The following EPS15L1 variants were observed in gnomAD, a reference collection of about 807,000 sequenced individuals.
EPS15L1 encodes the protein epidermal growth factor receptor substrate 15-like 1.
EPS15L1 carries 43 observed loss-of-function variants against 117.1 expected under a neutral mutation model. The ratio of observed to expected loss-of-function variants is 0.37; its 90% CI spans 0.29 to 0.47. The LOEUF is 0.47. Among genes scored for constraint, EPS15L1 ranks in the 20% least tolerant of loss-of-function variants. The pLI, the probability that EPS15L1 is intolerant of heterozygous loss-of-function variation, is 0.99. For missense variants in EPS15L1, 981 were observed against 1,164.0 expected, an observed-to-expected ratio of 0.84 and a Z score of 2.29; for synonymous variants, 459 against 470.5, an observed-to-expected ratio of 0.98 and a Z score of 0.32.
chr19:16,459,528 G>A (rs376223780), intron 1 of EPS15L1, among the ~76,000 whole-genome samples: 4 of 152,218 alleles, frequency 2.6e-5, no homozygotes, highest in South Asian at 2.1e-4. Flanking sequence ...GTTGGTAGTG[G>A]GGAGCGGGCA....
chr19:16,439,037 T>C (rs963209686), intron 4 of EPS15L1, among the ~76,000 whole-genome samples: 17 of 151,514 alleles, frequency 1.1e-4, no homozygotes, highest in Non-Finnish European at 1.9e-4. Context: ...AAAGGCTCAG[T>C]GGACTTGTGA....
At chr19:16,376,775 G>T (rs1276627748) in intron 22 of EPS15L1, among the ~76,000 whole-genome samples, 1 of 152,234 alleles carries the variant, frequency 6.6e-6, no homozygotes, top group African/African-American at 2.4e-5. Context: ...AGTGGCTCCT[G>T]AAGTATAGCC....
At chr19:16,388,602 C>A (rs558750242) in intron 19 of EPS15L1, among the ~76,000 whole-genome samples, 1 of 152,028 alleles carries the variant, frequency 6.6e-6, no homozygotes, top group Non-Finnish European at 1.5e-5. Context: ...CCAAGGCAGG[C>A]AGATCACGAG....
chr19:16,440,790 G>T lies in EPS15L1; in HGVS notation c.213+72C>A, dbSNP rs1448183467. 3 of 1,351,266 alleles carry T rather than the reference G, an allele frequency of 2.2e-6. No individual in the cohort carries two copies. The South Asian group carries it at 3.5e-5, about 16-fold the overall frequency. The allele number at this position is 1,351,266 out of a possible 1,614,324, so 83.7% of individuals were successfully genotyped here. On this transcript the variant is annotated intron_variant, in intron 4 of 23. Coordinates refer to ENST00000455140, the MANE Select transcript of EPS15L1 (RefSeq NM_001258374.3). ...ACTTGACAGTGGAGGAATGTGGAAG[G>T]AGCCGTGGAGGTCACCCAGCCTGGG...
At chr19:16,401,183 G>A (rs2092597335) in intron 16 of EPS15L1, 2 of 985,344 alleles carry the variant, frequency 2.0e-6, no homozygotes, top group African/African-American at 1.7e-5. Context: ...AGTATGGGAG[G>A]AAAGAGGGAG....
rs768504597 is a variant in EPS15L1, at chr19:16,437,057, T to C, written c.310-58A>G. On this transcript the variant is annotated intron_variant, in intron 5 of 23. Coordinates refer to ENST00000455140, the MANE Select transcript of EPS15L1 (RefSeq NM_001258374.3). ...GGCACAGAATTAAATCATAGGTGGG[T>C]GGGTTTGCTGAAAAGGATACACGTT... The C allele has an allele frequency of 8.7e-6, 13 of 1,492,282 alleles. No individual in the cohort carries two copies. In the Admixed American group the frequency reaches 1.2e-4, roughly 14 times the overall value. 92.4% of individuals were successfully genotyped at this position (1,492,282 alleles called of 1,614,324 possible).
intron 21 of EPS15L1, among the ~76,000 whole-genome samples, chr19:16,377,512 G>T (rs1475133714): frequency 6.6e-6 from 1 of 152,020 alleles, no homozygotes; most frequent in Non-Finnish European, 1.5e-5. Context: ...TACCTCCACG[G>T]GCTTCTAGCA....
chr19:16,370,423 T>G lies in EPS15L1; in HGVS notation c.2380+6699A>C, dbSNP rs1313062165. 6.6e-6 allele frequency among the ~76,000 whole-genome samples: 1 copy of G among 152,050 alleles called. No homozygotes were observed. Among genetic ancestry groups the G allele is most frequent in the Non-Finnish European group, 1.5e-5 (1 of 67,990 alleles). On this transcript the variant is annotated intron_variant, in intron 22 of 23. Transcript: ENST00000455140. This position sits in a 1 kb window ranked among gnomAD's most constrained non-coding sequence, Gnocchi z 5.2. ...TGCCAAGCAAGGGGTTGAGGTGTCCTGGAGGCAGGTACACCCGATGTCCCC... is the reference window on the plus strand; with the variant it reads ...TGCCAAGCAAGGGGTTGAGGTGTCCGGGAGGCAGGTACACCCGATGTCCCC...
At chr19:16,432,786 CA>C (rs2145021639) in intron 7 of EPS15L1, among the ~76,000 whole-genome samples, 1 of 151,922 alleles carries the variant, frequency 6.6e-6, no homozygotes, top group Non-Finnish European at 1.5e-5. Context: ...CAAAACAAAA[CA>C]AAACAAAAAA....
chr19:16,466,537 T>C (rs1258614262), intron 1 of EPS15L1, among the ~76,000 whole-genome samples: 1 of 152,104 alleles, frequency 6.6e-6, no homozygotes, highest in Non-Finnish European at 1.5e-5. Context: ...TTCCATCCAC[T>C]GCCCAGAAAG....
At chr19:16,373,137 T>C (rs2092248178) in intron 22 of EPS15L1, among the ~76,000 whole-genome samples, 1 of 152,216 alleles carries the variant, frequency 6.6e-6, no homozygotes, top group African/African-American at 2.4e-5. Flanking sequence ...GCTGTGTGCA[T>C]GTTTAAGACT....
intron 7 of EPS15L1, among the ~76,000 whole-genome samples, chr19:16,434,009 A>C (rs1245930904): frequency 6.6e-6 from 1 of 152,178 alleles, no homozygotes; most frequent in African/African-American, 2.4e-5. Flanking sequence ...ACACAGACAC[A>C]CATTCCCACA....
rs1158007497 is a variant in EPS15L1, at chr19:16,383,866, T to TGGCACCTGG, written c.2247+1254_2247+1262dup. 6.6e-6 allele frequency: 1 copy of TGGCACCTGG among 152,284 alleles called. No homozygotes were observed. Among genetic ancestry groups the TGGCACCTGG allele is most frequent in the African/African-American group, 2.4e-5 (1 of 41,464 alleles). The allele number at this position is 152,284 out of a possible 1,614,324, so 9.4% of individuals were successfully genotyped here. On this transcript the variant is annotated intron_variant, in intron 21 of 23. Transcript: ENST00000455140. This position sits in a 1 kb window ranked among gnomAD's most constrained non-coding sequence, Gnocchi z 5.2. ...GCCAAGGGAGACTGCCCAGTCACAC[T>TGGCACCTGG]GGCACCTGGGGCACCTGGGCATGGG...
At chr19:16,468,316 G>A (rs1000207490) in intron 1 of EPS15L1, among the ~76,000 whole-genome samples, 2 of 152,174 alleles carry the variant, frequency 1.3e-5, no homozygotes, top group Admixed American at 1.3e-4. Flanking sequence ...GCAAGGTTAG[G>A]TGGAGTCGAT....
At chr19:16,393,812 C>T in intron 18 of EPS15L1, 139 bp downstream of exon 18, 1 of 871,294 alleles carries the variant, frequency 1.1e-6, no homozygotes, top group Non-Finnish European at 1.9e-6. Flanking sequence ...AGAATGGGTA[C>T]AACATGGATG....
At chr19:16,448,551 G>T (rs888348255) in intron 1 of EPS15L1, among the ~76,000 whole-genome samples, 2 of 148,790 alleles carry the variant, frequency 1.3e-5, no homozygotes, top group South Asian at 2.1e-4. Flanking sequence ...AAAAAAAGGG[G>T]GGGGGAGAAA....
rs768248048 is a variant in EPS15L1, at chr19:16,437,004, GAAGA to G, written c.310-9_310-6del. On this transcript the variant is annotated splice_polypyrimidine_tract_variant and splice_region_variant and intron_variant, in intron 5 of 23. Transcript: ENST00000455140. ...CAGAGGGCTGCTGGTGTCGTGCTGA[GAAGA>G]GAGAGAAACATTCCTTTGTGGCTGG... is the stretch of plus-strand genomic sequence containing the variant. The G allele has an allele frequency of 6.2e-7, 1 of 1,613,660 alleles. No homozygotes were observed. Among genetic ancestry groups the G allele is most frequent in the Non-Finnish European group, 8.5e-7 (1 of 1,179,590 alleles).
chr19:16,446,995 G>A (rs967611945), intron 1 of EPS15L1, among the ~76,000 whole-genome samples: 1 of 152,180 alleles, frequency 6.6e-6, no homozygotes, highest in Non-Finnish European at 1.5e-5. Flanking sequence ...AAAACATATG[G>A]ATGCAAAAAC....
At chr19:16,455,675 G>T (rs533058912) in intron 1 of EPS15L1, among the ~76,000 whole-genome samples, 2 of 152,338 alleles carry the variant, frequency 1.3e-5, no homozygotes, top group East Asian at 3.9e-4. Context: ...GGAATGCTGT[G>T]CAACCCTGGG....
Sources: gnomAD v4.1 joint callset for allele counts (sites outside exome capture counted in the v4.1 genomes callset) on GRCh38, gnomAD v4.1.1 for gene constraint, Gnocchi (gnomAD v3.1) non-coding constraint, MANE v1.5 for transcripts, NCBI Gene and HGNC (gene_info 2026-07-23, HGNC 2026-07-21) for gene names.